KIAA0825: variants seen among roughly 807,000 people sequenced by gnomAD.
KIAA0825 encodes the protein KIAA0825.
KIAA0825 carries 119 observed loss-of-function variants against 147.6 expected under a neutral mutation model. The ratio of observed to expected loss-of-function variants is 0.81; its 90% CI spans 0.69 to 0.94. The LOEUF is 0.94. Among genes scored for constraint, KIAA0825 ranks in the 40% least tolerant of loss-of-function variants. The pLI, the probability that KIAA0825 is intolerant of heterozygous loss-of-function variation, is 0.00. For synonymous variants in KIAA0825, 470 were observed against 518.1 expected, an observed-to-expected ratio of 0.91 and a Z score of 1.26; for missense variants, 1,381 against 1,472.7, an observed-to-expected ratio of 0.94 and a Z score of 1.02.
At chr5:94,469,018 T>C (rs1029959201) in intron 10 of KIAA0825, among the ~76,000 whole-genome samples, 4 of 152,158 alleles carry the variant, frequency 2.6e-5, no homozygotes, top group Non-Finnish European at 5.9e-5. Flanking sequence ...ACATAATCAA[T>C]GAGATTTAGG....
chr5:94,330,585 A>G (rs1311579893), intron 20 of KIAA0825, among the ~76,000 whole-genome samples: 1 of 152,196 alleles, frequency 6.6e-6, no homozygotes, highest in East Asian at 1.9e-4. Flanking sequence ...AATTTATAAC[A>G]TTAAATGCTT....
chr5:94,520,073 A>G (rs920980453), intron 5 of KIAA0825, 175 bp downstream of exon 5: 1 of 1,132,660 alleles, frequency 8.8e-7, no homozygotes, highest in East Asian at 3.0e-5. Context: ...AAATACTTTT[A>G]TAACTACAAT....
At chr5:94,487,889 G>A (rs1763244670) in intron 5 of KIAA0825, among the ~76,000 whole-genome samples, 1 of 152,164 alleles carries the variant, frequency 6.6e-6, no homozygotes, top group South Asian at 2.1e-4. Flanking sequence ...GGAAAGTGGA[G>A]CTGCAGTGAG....
At chr5:94,532,980 CTTT>C (rs1163019137) in intron 3 of KIAA0825, among the ~76,000 whole-genome samples, 8 of 140,118 alleles carry the variant, frequency 5.7e-5, no homozygotes, top group South Asian at 2.3e-4. Context: ...CATTCTGTGT[CTTT>C]TTTTTTTTTT....
chr5:94,608,315 G>A (rs1290395167), intron 1 of KIAA0825, among the ~76,000 whole-genome samples: 2 of 135,814 alleles, frequency 1.5e-5, no homozygotes, highest in South Asian at 2.4e-4. Context: ...AGGAGGGAGT[G>A]CAGTGCTGCA....
At chr5:94,356,966 A>T (rs1346893694) in intron 20 of KIAA0825, among the ~76,000 whole-genome samples, 7 of 151,824 alleles carry the variant, frequency 4.6e-5, no homozygotes, top group Admixed American at 4.6e-4. Context: ...CTCGTGATCC[A>T]CCAGCCTCGG....
intron 20 of KIAA0825, among the ~76,000 whole-genome samples, chr5:94,165,244 G>A (rs1185008737): frequency 6.6e-6 from 1 of 152,074 alleles, no homozygotes; most frequent in Admixed American, 6.6e-5. Flanking sequence ...TGGCAAACAG[G>A]TATATGAAAA....
intron 2 of KIAA0825, among the ~76,000 whole-genome samples, chr5:94,563,479 T>C (rs1045701906): frequency 2.6e-5 from 4 of 152,256 alleles, no homozygotes; most frequent in Non-Finnish European, 4.4e-5. Flanking sequence ...CCACTCAATA[T>C]AGATCAATAT....
chr5:94,169,523 A>G (rs1463668911), intron 20 of KIAA0825, among the ~76,000 whole-genome samples: 1 of 149,916 alleles, frequency 6.7e-6, no homozygotes, highest in Non-Finnish European at 1.5e-5. Flanking sequence ...CAGAGGTTAC[A>G]GTGAGCCAAG....
At chr5:94,384,861 C>T (rs980291167) in intron 19 of KIAA0825, among the ~76,000 whole-genome samples, 3 of 152,040 alleles carry the variant, frequency 2.0e-5, no homozygotes, top group Non-Finnish European at 4.4e-5. Context: ...GATTAAAAAA[C>T]AAACTTGGAA....
At chr5:94,497,447 A>G (rs1043837319) in intron 5 of KIAA0825, among the ~76,000 whole-genome samples, 1 of 152,218 alleles carries the variant, frequency 6.6e-6, no homozygotes, top group Non-Finnish European at 1.5e-5. Flanking sequence ...AGAGAATTAT[A>G]TTAGAGAATT....
At chr5:94,395,843 T>C (rs1436781042) in intron 17 of KIAA0825, among the ~76,000 whole-genome samples, 3 of 152,192 alleles carry the variant, frequency 2.0e-5, no homozygotes, top group Non-Finnish European at 4.4e-5. Context: ...ACCACCCTTT[T>C]AATCAGAAAC....
intron 20 of KIAA0825, among the ~76,000 whole-genome samples, chr5:94,288,294 T>C (rs1777740217): frequency 1.3e-5 from 2 of 152,106 alleles, no homozygotes; most frequent in Non-Finnish European, 1.5e-5. Context: ...TGGGCCCAGA[T>C]TTTTCCCCCC....
At chr5:94,313,900 G>A (rs1470077483) in intron 20 of KIAA0825, among the ~76,000 whole-genome samples, 1 of 151,508 alleles carries the variant, frequency 6.6e-6, no homozygotes, top group Non-Finnish European at 1.5e-5. Flanking sequence ...AGCGCATTAT[G>A]GAGCACATGG....
intron 20 of KIAA0825, among the ~76,000 whole-genome samples, chr5:94,341,767 T>C (rs1782415760): frequency 6.6e-6 from 1 of 152,210 alleles, no homozygotes; most frequent in Non-Finnish European, 1.5e-5. Flanking sequence ...CTTACAGTTA[T>C]TTTCATTGTC....
chr5:94,274,866 A>G (rs1169465747), intron 20 of KIAA0825, among the ~76,000 whole-genome samples: 1 of 152,144 alleles, frequency 6.6e-6, no homozygotes, highest in East Asian at 1.9e-4. Flanking sequence ...TTGTAGCAGT[A>G]TTGGTTCTGA....
At chr5:94,516,222 T>C (rs1024390939) in intron 5 of KIAA0825, among the ~76,000 whole-genome samples, 1 of 152,220 alleles carries the variant, frequency 6.6e-6, no homozygotes, top group Non-Finnish European at 1.5e-5. Context: ...TTTAAATATA[T>C]GTACTGGAAA....
intron 20 of KIAA0825, among the ~76,000 whole-genome samples, chr5:94,181,672 A>G (rs1769628350): frequency 6.6e-6 from 1 of 152,210 alleles, no homozygotes; most frequent in Non-Finnish European, 1.5e-5. Flanking sequence ...CCGGGAGGAT[A>G]GCTAGGAGAG....
chr5:94,479,680 C>A (rs1584626825), intron 6 of KIAA0825, among the ~76,000 whole-genome samples: 1 of 152,100 alleles, frequency 6.6e-6, no homozygotes, highest in African/African-American at 2.4e-5. Flanking sequence ...GCCAAACTGT[C>A]TTCCAAAGAG....
Sources: gnomAD v4.1 joint callset for allele counts (sites outside exome capture counted in the v4.1 genomes callset) on GRCh38, gnomAD v4.1.1 for gene constraint, MANE v1.5 for transcripts, NCBI Gene and HGNC (gene_info 2026-07-23, HGNC 2026-07-21) for gene names.